The following TENM3 variants were observed in gnomAD, a reference collection of about 807,000 sequenced individuals.
The protein encoded by TENM3 is teneurin-3.
Under a neutral mutation model 255.1 loss-of-function variants are expected in TENM3, and 63 were observed. The observed-to-expected ratio is 0.25, with a 90% CI of 0.20 to 0.30. TENM3 has a LOEUF of 0.30. TENM3 is among the 10% of genes least tolerant of loss of function. The pLI is 1.00. For missense variants in TENM3, 2,929 were observed against 3,461.1 expected, an observed-to-expected ratio of 0.85 and a Z score of 3.86; for synonymous variants, 1,306 against 1,322.3, an observed-to-expected ratio of 0.99 and a Z score of 0.27.
chr4:182,431,913 C>A lies in TENM3; in HGVS notation c.511+84984C>A, dbSNP rs112158923. Among the ~76,000 whole-genome samples, 421 of 151,972 alleles carry A rather than the reference C, an allele frequency of 2.8e-3. 1 individual carries two copies. The highest frequency in any genetic ancestry group is 4.9e-3 in the Non-Finnish European group (332 of 67,972). ...GCAACATGGTGAAACCCCATCTCTA[C>A]TAAAAATAGAAAAATTACAGAGGGT... is the stretch of plus-strand genomic sequence containing the variant. On this transcript the variant is annotated intron_variant, in intron 3 of 27. Transcript: ENST00000511685.
chr4:182,070,164 C>T, the TENM3 span, among the ~76,000 whole-genome samples: 2 of 152,166 alleles, frequency 1.3e-5, no homozygotes, highest in African/African-American at 4.8e-5. Flanking sequence ...AAGGCCATAG[C>T]TGTGGGTAGG....
chr4:182,289,336 C>G (rs80241010), intron 1 of TENM3, among the ~76,000 whole-genome samples: 4,263 of 152,352 alleles, frequency 0.028, 203 homozygotes, highest in African/African-American at 0.096. Flanking sequence ...CTATCTACAG[C>G]GGCCTGTTCC....
At chr4:181,694,329 T>C in the TENM3 span, among the ~76,000 whole-genome samples, 1 of 152,212 alleles carries the variant, frequency 6.6e-6, no homozygotes, top group Non-Finnish European at 1.5e-5. Context: ...TTAGAAACTT[T>C]ACTCAAGTCT....
chr4:182,146,685 TA>T (rs1189163664), intron 1 of TENM3, among the ~76,000 whole-genome samples: 1 of 152,192 alleles, frequency 6.6e-6, no homozygotes, highest in Non-Finnish European at 1.5e-5. Flanking sequence ...ACAGTTTTTA[TA>T]AAAAATGTAG....
chr4:181,775,073 C>A, the TENM3 span, among the ~76,000 whole-genome samples: 2 of 152,130 alleles, frequency 1.3e-5, no homozygotes, highest in South Asian at 2.1e-4. Context: ...GAGTCATAAT[C>A]CCTTTATCAG....
the TENM3 span, among the ~76,000 whole-genome samples, chr4:181,650,890 G>A: frequency 1.3e-5 from 2 of 152,182 alleles, no homozygotes; most frequent in African/African-American, 4.8e-5. Context: ...AGTCCTGTTC[G>A]AATTAAAATG....
the TENM3 span, among the ~76,000 whole-genome samples, chr4:181,892,079 C>T: frequency 6.6e-6 from 1 of 152,148 alleles, no homozygotes; most frequent in Admixed American, 6.5e-5. Context: ...TCTTGGACTT[C>T]CCAGTCTCCA....
chr4:182,069,686 AACACAC>A, the TENM3 span, among the ~76,000 whole-genome samples: 103,963 of 149,434 alleles, frequency 0.7, 36,679 homozygotes, highest in East Asian at 0.86. Context: ...TAGATGCATA[AACACAC>A]ACACACACAC....
chr4:182,300,547 G>C (rs1580078432), intron 1 of TENM3, among the ~76,000 whole-genome samples: 1 of 152,192 alleles, frequency 6.6e-6, no homozygotes, highest in Non-Finnish European at 1.5e-5. Flanking sequence ...GTGACGGCTT[G>C]TGCCTACCTT....
chr4:181,890,224 C>A, the TENM3 span, among the ~76,000 whole-genome samples: 3 of 152,246 alleles, frequency 2.0e-5, no homozygotes, highest in Admixed American at 6.5e-5. Context: ...CATCAGCCAC[C>A]AGCTTTAGGT....
chr4:181,595,536 G>A, the TENM3 span, among the ~76,000 whole-genome samples: 584 of 151,806 alleles, frequency 3.8e-3, 8 homozygotes, highest in African/African-American at 0.014. Context: ...GACCAGCAAC[G>A]TGGATTTCAT....
chr4:182,766,173 G>T lies in TENM3; in HGVS notation c.4893-7299G>T, dbSNP rs539736573. On this transcript the variant is annotated intron_variant, in intron 22 of 27. Coordinates refer to ENST00000511685, the MANE Select transcript of TENM3 (RefSeq NM_001080477.4). ...TACAAGGAGAACAAAAGAGAAGGAG[G>T]GGTTTGTCCTCTGAGCACTTCCAGA... Among the ~76,000 whole-genome samples the T allele has an allele frequency of 1.7e-4, 26 of 152,178 alleles. No individual in the cohort carries two copies. In the South Asian group the frequency reaches 5.2e-3, roughly 30 times the overall value.
the TENM3 span, among the ~76,000 whole-genome samples, chr4:181,464,713 G>T: frequency 1.3e-5 from 2 of 152,150 alleles, no homozygotes; most frequent in East Asian, 3.9e-4. Flanking sequence ...GACTTTGGGA[G>T]GCCAAGGCTG....
intron 22 of TENM3, among the ~76,000 whole-genome samples, chr4:182,764,833 G>A (rs1172868701): frequency 6.6e-6 from 1 of 152,156 alleles, no homozygotes; most frequent in African/African-American, 2.4e-5. Context: ...GTTTAACAGG[G>A]ACAGCAACAT....
At chr4:182,523,388 T>C (rs945580871) in intron 3 of TENM3, among the ~76,000 whole-genome samples, 1 of 152,178 alleles carries the variant, frequency 6.6e-6, no homozygotes, top group Non-Finnish European at 1.5e-5. Context: ...TTATGTCTGC[T>C]TTGTCCTCGG....
At chr4:181,709,277 T>C in the TENM3 span, among the ~76,000 whole-genome samples, 101 of 152,340 alleles carry the variant, frequency 6.6e-4, no homozygotes, top group African/African-American at 2.3e-3. Flanking sequence ...ACAGGTATTG[T>C]TTTGCCTGCT....
chr4:182,612,423 C>T (rs1419392946), intron 4 of TENM3, among the ~76,000 whole-genome samples: 1 of 152,152 alleles, frequency 6.6e-6, no homozygotes, highest in Non-Finnish European at 1.5e-5. Flanking sequence ...TTCTCAGGAT[C>T]CTCAGGCATT....
chr4:181,746,603 C>T, the TENM3 span, among the ~76,000 whole-genome samples: 4 of 152,010 alleles, frequency 2.6e-5, no homozygotes, highest in South Asian at 2.1e-4. Flanking sequence ...TATTGACAGC[C>T]ATTTAATTAT....
rs1476982324 is a variant in TENM3 at position 182,672,907 on chromosome 4, ATT to A, written c.1112-96_1112-95del. The A allele has an allele frequency of 8.0e-6, 7 of 873,484 alleles. No individual in the cohort carries two copies. In the African/African-American group the frequency reaches 1.0e-4, roughly 13 times the overall value. 54.1% of individuals were successfully genotyped at this position (873,484 alleles called of 1,614,324 possible). On this transcript the variant is annotated intron_variant, in intron 6 of 27. Coordinates refer to ENST00000511685, the MANE Select transcript of TENM3 (RefSeq NM_001080477.4). Reference sequence around the variant, plus strand: ...TATCAGAAGATGAAATGGCTTGAGCATTTGGTAAAAATAACTTTTTCAAAAAG... The same window carrying A: ...TATCAGAAGATGAAATGGCTTGAGCATGGTAAAAATAACTTTTTCAAAAAG...
Sources: allele counts gnomAD v4.1 joint callset (sites outside exome capture counted in the v4.1 genomes callset), GRCh38; gene constraint gnomAD v4.1.1; transcripts MANE v1.5; gene names NCBI Gene and HGNC (gene_info 2026-07-23, HGNC 2026-07-21).